The following ENOX1 variants were observed in gnomAD, a reference collection of about 807,000 sequenced individuals.
ENOX1 encodes the protein ecto-NOX disulfide-thiol exchanger 1, also known as candidate growth-related and time keeping constitutive hydroquinone (NADH) oxidase.
A neutral mutation model predicts 82.5 loss-of-function variants in ENOX1; 42 were observed. The observed-to-expected ratio is 0.51, with a 90% CI of 0.40 to 0.66. The LOEUF (loss-of-function observed/expected upper bound fraction) is 0.66. ENOX1 is among the 30% of genes least tolerant of loss of function. The probability of loss-of-function intolerance (pLI) is 0.00; values close to 1 mark genes in which losing one functional copy is unlikely to be tolerated. For missense variants in ENOX1, 608 were observed against 811.6 expected (o/e 0.75, Z 3.05); for synonymous variants, 271 against 282.2 (o/e 0.96, Z 0.40).
At chr13:43,512,141 A>C (rs896172239) in intron 2 of ENOX1, among the ~76,000 whole-genome samples, 3 of 152,102 alleles carry the variant, frequency 2.0e-5, no homozygotes, top group Non-Finnish European at 4.4e-5. Context: ...AATTACTGGC[A>C]GATCTACAAA....
At chr13:43,488,365 G>A (rs2076505895) in intron 2 of ENOX1, among the ~76,000 whole-genome samples, 1 of 152,168 alleles carries the variant, frequency 6.6e-6, no homozygotes, top group South Asian at 2.1e-4. Flanking sequence ...AAACCATCTT[G>A]GAAGTGGAGA....
intron 11 of ENOX1, among the ~76,000 whole-genome samples, chr13:43,314,809 C>A (rs1044365722): frequency 4.6e-5 from 7 of 152,152 alleles, no homozygotes; most frequent in Non-Finnish European, 1.0e-4. Context: ...ATTCAAGGGA[C>A]CTAAAAGATG....
At chr13:43,702,389 T>C (rs1329113942) in intron 1 of ENOX1, among the ~76,000 whole-genome samples, 1 of 152,182 alleles carries the variant, frequency 6.6e-6, no homozygotes, top group Non-Finnish European at 1.5e-5. Flanking sequence ...AGAATATAGC[T>C]TTATATCTGA....
intron 3 of ENOX1, among the ~76,000 whole-genome samples, chr13:43,462,180 G>C (rs903909768): frequency 5.3e-5 from 8 of 152,088 alleles, no homozygotes; most frequent in African/African-American, 1.9e-4. Flanking sequence ...CATGTAAAAA[G>C]TACATGTTAC....
intron 5 of ENOX1, among the ~76,000 whole-genome samples, chr13:43,363,869 C>A (rs564376164): frequency 6.6e-6 from 1 of 152,274 alleles, no homozygotes; most frequent in South Asian, 2.1e-4. Context: ...CACTCTTGTA[C>A]AACGTATTTT....
At chr13:43,247,852 TATATATATATATATATATATATATATA>T (rs2043182065) in intron 14 of ENOX1, among the ~76,000 whole-genome samples, 45 of 2,826 alleles carry the variant, frequency 0.016, 3 homozygotes, top group African/African-American at 0.022. Context: ...TATATATATA[TATATATATATATATATATATATATATA>T]TATATTTTTT....
chr13:43,363,331 A>G (rs2050645500), intron 5 of ENOX1, among the ~76,000 whole-genome samples: 2 of 152,314 alleles, frequency 1.3e-5, no homozygotes, highest in South Asian at 4.1e-4. Flanking sequence ...GTATTTAAAC[A>G]TGTATTAAAT....
At chr13:43,431,522 T>A (rs917837435) in intron 3 of ENOX1, among the ~76,000 whole-genome samples, 4 of 152,194 alleles carry the variant, frequency 2.6e-5, no homozygotes, top group Admixed American at 6.5e-5. Context: ...TACATAGTTA[T>A]TTCTTTGATA....
In ENOX1 at chr13:43,298,401, A is replaced by C. The variant is rs1452183260; in HGVS notation, c.1391T>G (p.Leu464Arg). 1.2e-6 allele frequency: 2 copies of C among 1,612,450 alleles called. No homozygotes were observed. The highest frequency in any genetic ancestry group is 1.7e-6 in the Non-Finnish European group (2 of 1,179,754). ...AAACTGCAGTTGCTGGTCCTTGGTGAGGTTTTCTTCTGTTCGGAAAAGCTG... is the reference window on the plus strand; with the variant it reads ...AAACTGCAGTTGCTGGTCCTTGGTGCGGTTTTCTTCTGTTCGGAAAAGCTG... ...KEQLFRTEEN[L>R]TKDQQLQFLQ... Residue 464 changes from leucine to arginine, a missense_variant, in exon 12 of 17, where the codon CTC (leucine) becomes CGC (arginine). By Grantham distance (102) the Leu-to-Arg change is moderately radical. Transcript: ENST00000690772.
chr13:43,275,863 T>G (rs2044994755), intron 12 of ENOX1, among the ~76,000 whole-genome samples: 1 of 152,144 alleles, frequency 6.6e-6, no homozygotes, highest in Non-Finnish European at 1.5e-5. Context: ...ACTCTTACAA[T>G]GGCTATAACT....
intron 2 of ENOX1, among the ~76,000 whole-genome samples, chr13:43,624,783 AG>A (rs1209113941): frequency 3.9e-5 from 6 of 152,212 alleles, no homozygotes; most frequent in African/African-American, 1.4e-4. Flanking sequence ...CACCAACCAC[AG>A]TCTTGATTAC....
chr13:43,733,729 C>T (rs2089467051), intron 1 of ENOX1, among the ~76,000 whole-genome samples: 1 of 152,128 alleles, frequency 6.6e-6, no homozygotes, highest in African/African-American at 2.4e-5. Context: ...ATTGTGTCCC[C>T]CTAAAAGGAA....
At chr13:43,602,892 C>T (rs568220195) in intron 2 of ENOX1, among the ~76,000 whole-genome samples, 1 of 152,030 alleles carries the variant, frequency 6.6e-6, no homozygotes, top group Admixed American at 6.6e-5. Flanking sequence ...ACTATGGAAA[C>T]AATTGACAGT....
intron 5 of ENOX1, among the ~76,000 whole-genome samples, chr13:43,387,835 T>A (rs1243128830): frequency 6.6e-6 from 1 of 152,010 alleles, no homozygotes; most frequent in East Asian, 1.9e-4. Context: ...TAGACAGACA[T>A]ATACATAACT....
chr13:43,432,546 G>A (rs1387136754), intron 3 of ENOX1, among the ~76,000 whole-genome samples: 1 of 152,172 alleles, frequency 6.6e-6, no homozygotes, highest in Admixed American at 6.5e-5. Context: ...GGGAGGCTGA[G>A]GCACGAGAAT....
intron 12 of ENOX1, among the ~76,000 whole-genome samples, chr13:43,287,970 G>T (rs2045794115): frequency 6.6e-6 from 1 of 152,192 alleles, no homozygotes; most frequent in East Asian, 1.9e-4. Flanking sequence ...TGTACCAGGA[G>T]TGTAATCTGC....
At chr13:43,565,573 C>A (rs2079881767) in intron 2 of ENOX1, among the ~76,000 whole-genome samples, 1 of 152,074 alleles carries the variant, frequency 6.6e-6, no homozygotes, top group Non-Finnish European at 1.5e-5. Flanking sequence ...GGTCACAGCT[C>A]CAGTACCCAC....
intron 3 of ENOX1, among the ~76,000 whole-genome samples, chr13:43,445,679 T>C (rs1489117530): frequency 6.6e-6 from 1 of 152,190 alleles, no homozygotes; most frequent in African/African-American, 2.4e-5. Flanking sequence ...AACTTTTATG[T>C]GTGATGTACA....
chr13:43,662,468 T>A (rs1191677757), intron 2 of ENOX1, among the ~76,000 whole-genome samples: 1 of 152,178 alleles, frequency 6.6e-6, no homozygotes, highest in East Asian at 1.9e-4. Context: ...TTTCTAAGTA[T>A]CTTCTTCCCA....
Sources: allele counts gnomAD v4.1 joint callset (sites outside exome capture counted in the v4.1 genomes callset), GRCh38; gene constraint gnomAD v4.1.1; transcripts MANE v1.5; gene names NCBI Gene and HGNC (gene_info 2026-07-23, HGNC 2026-07-21).